Variants in TCF7L1 observed in about 807,000 individuals in gnomAD.
The protein encoded by TCF7L1 is transcription factor 7-like 1.
In TCF7L1, 18 loss-of-function variants were observed where a neutral mutation model predicts 63.7. The observed-to-expected ratio is 0.28, with a 90% CI of 0.20 to 0.42. The LOEUF (loss-of-function observed/expected upper bound fraction) is 0.42. Ranked by LOEUF, TCF7L1 falls within the 10% of genes least tolerant of loss-of-function variation. The pLI, the probability that TCF7L1 is intolerant of heterozygous loss-of-function variation, is 1.00. For missense variants in TCF7L1, 654 were observed against 779.3 expected (o/e 0.84, Z 1.91); for synonymous variants, 355 against 340.9 (o/e 1.04, Z -0.46).
At chr2:85,194,115 G>A (rs1011873395) in intron 3 of TCF7L1, among the ~76,000 whole-genome samples, 1 of 152,136 alleles carries the variant, frequency 6.6e-6, no homozygotes. Flanking sequence ...TGAATGAAGA[G>A]AGGAGAAGGG....
chr2:85,210,431 G>T (rs555550079), intron 3 of TCF7L1, among the ~76,000 whole-genome samples: 1 of 152,352 alleles, frequency 6.6e-6, no homozygotes, highest in Non-Finnish European at 1.5e-5. Context: ...GAGGACAGGG[G>T]TTTTGCATTG....
chr2:85,304,056 G>C, intron 6 of TCF7L1, 59 bp downstream of exon 6: 1 of 1,417,490 alleles, frequency 7.1e-7, no homozygotes, highest in South Asian at 1.2e-5. Context: ...CTCTGCCTCT[G>C]TGCCCTGCGC....
In TCF7L1 at chr2:85,309,267, G is replaced by A. The variant is rs762237675; in HGVS notation, c.1572G>A (p.Ser524=). Residue 524 remains serine (S), a synonymous_variant, in exon 12 of 12, where the codon TCG becomes TCA. Coordinates refer to ENST00000282111, the MANE Select transcript of TCF7L1 (RefSeq NM_031283.3). ...QLALHSAAFL[S]AKAAASSSGQ... ...CTCTCCACTCTGCCGCCTTCCTGTC[G>A]GCTAAGGCTGCAGCCTCCTCCTCTG... The A allele has an allele frequency of 4.4e-5, 71 of 1,613,812 alleles. No individual in the cohort carries two copies. Among genetic ancestry groups the A allele is most frequent in the African/African-American group, 3.1e-4 (23 of 74,992 alleles).
At chr2:85,155,833 A>G (rs1413684145) in intron 3 of TCF7L1, among the ~76,000 whole-genome samples, 3 of 152,066 alleles carry the variant, frequency 2.0e-5, no homozygotes, top group Non-Finnish European at 2.9e-5. Context: ...ATTGTTAGTT[A>G]CATAAATAGG....
At chr2:85,149,438 T>C (rs1369375290) in intron 3 of TCF7L1, among the ~76,000 whole-genome samples, 1 of 152,146 alleles carries the variant, frequency 6.6e-6, no homozygotes, top group Non-Finnish European at 1.5e-5. Context: ...ACATTTTAAC[T>C]TTTAATTTTA....
chr2:85,235,107 A>G (rs1680163455), intron 3 of TCF7L1, among the ~76,000 whole-genome samples: 1 of 152,110 alleles, frequency 6.6e-6, no homozygotes, highest in Non-Finnish European at 1.5e-5. Flanking sequence ...AATAGGCCTC[A>G]TCTCCATGGA....
In TCF7L1 at chr2:85,302,575, C is replaced by CCCCCG; in HGVS notation, c.620_621insCGCCC (p.Pro208AlafsTer71). On this transcript the variant is annotated frameshift_variant, in exon 5 of 12. Transcript: ENST00000282111. LOFTEE classifies it high-confidence loss of function. ...AGCAATGACCACTTCTCCCCCGGCT[C>CCCCCG]CCCTCCCACCCACCTCTCCCCAGAG... The CCCCCG allele has an allele frequency of 6.2e-7, 1 of 1,602,918 alleles. No homozygotes were observed. The highest frequency in any genetic ancestry group is 8.5e-7 in the Non-Finnish European group (1 of 1,172,728).
intron 3 of TCF7L1, among the ~76,000 whole-genome samples, chr2:85,261,271 G>GC (rs1680852121): frequency 6.6e-6 from 1 of 151,928 alleles, no homozygotes; most frequent in Non-Finnish European, 1.5e-5. Flanking sequence ...TAATAACAAG[G>GC]CCCGTAGGCC....
intron 3 of TCF7L1, among the ~76,000 whole-genome samples, chr2:85,243,813 C>T (rs549072233): frequency 1.3e-5 from 2 of 152,142 alleles, no homozygotes; most frequent in Non-Finnish European, 2.9e-5. Context: ...TGACTTCACA[C>T]GGCTCCCTGC....
At chr2:85,228,855 A>G (rs541884211) in intron 3 of TCF7L1, among the ~76,000 whole-genome samples, 1 of 150,388 alleles carries the variant, frequency 6.6e-6, no homozygotes, top group South Asian at 2.1e-4. Flanking sequence ...CTCTCCTAAA[A>G]AAAAAAATAC....
At chr2:85,185,546 C>T (rs1236284266) in intron 3 of TCF7L1, among the ~76,000 whole-genome samples, 1 of 152,122 alleles carries the variant, frequency 6.6e-6, no homozygotes, top group South Asian at 2.1e-4. Context: ...CACACTGAAC[C>T]ACAGGGCAGC....
At chr2:85,158,545 C>T (rs1678205028) in intron 3 of TCF7L1, among the ~76,000 whole-genome samples, 1 of 152,202 alleles carries the variant, frequency 6.6e-6, no homozygotes, top group South Asian at 2.1e-4. Flanking sequence ...AGAAAGCTCA[C>T]ATTTGAGTCC....
chr2:85,258,755 G>T (rs1680783486), intron 3 of TCF7L1, among the ~76,000 whole-genome samples: 1 of 152,134 alleles, frequency 6.6e-6, no homozygotes, highest in South Asian at 2.1e-4. Context: ...ATTGGGGTTG[G>T]GGGGGCTGTC....
intron 3 of TCF7L1, among the ~76,000 whole-genome samples, chr2:85,231,012 T>A (rs953063373): frequency 1.1e-4 from 16 of 152,274 alleles, no homozygotes; most frequent in Non-Finnish European, 1.0e-4. Context: ...ATGCTCTATT[T>A]AGAGAGGAAG....
At chr2:85,305,058 G>A (rs1558662303) in intron 7 of TCF7L1, among the ~76,000 whole-genome samples, 4 of 152,092 alleles carry the variant, frequency 2.6e-5, no homozygotes, top group Admixed American at 2.6e-4. Flanking sequence ...GGGCAGCCTG[G>A]GTGTTGGTGG....
At chr2:85,267,395 A>G (rs1255652680) in intron 3 of TCF7L1, among the ~76,000 whole-genome samples, 1 of 150,564 alleles carries the variant, frequency 6.6e-6, no homozygotes, top group East Asian at 1.9e-4. Context: ...CACACCTGTA[A>G]TCTCAGCACT....
intron 3 of TCF7L1, among the ~76,000 whole-genome samples, chr2:85,168,119 A>G (rs967332710): frequency 3.3e-5 from 5 of 152,090 alleles, no homozygotes; most frequent in Non-Finnish European, 7.3e-5. Flanking sequence ...TGTACAACAT[A>G]GTGCCCATGG....
At chr2:85,288,559 G>A (rs1047477279) in intron 4 of TCF7L1, among the ~76,000 whole-genome samples, 20 of 152,140 alleles carry the variant, frequency 1.3e-4, no homozygotes, top group African/African-American at 4.1e-4. Context: ...GGTGAGGTTT[G>A]CCCTGGGAGT....
At chr2:85,238,861 C>G (rs913605532) in intron 3 of TCF7L1, among the ~76,000 whole-genome samples, 11 of 150,742 alleles carry the variant, frequency 7.3e-5, no homozygotes, top group Non-Finnish European at 1.5e-5. Context: ...ACTCTGTCGC[C>G]CAGACTGGAG....
Sources: gnomAD v4.1 joint callset for allele counts (sites outside exome capture counted in the v4.1 genomes callset) on GRCh38, gnomAD v4.1.1 for gene constraint, MANE v1.5 for transcripts, NCBI Gene and HGNC (gene_info 2026-07-23, HGNC 2026-07-21) for gene names.